The following MAPKAP1 variants were observed in gnomAD, a reference collection of about 807,000 sequenced individuals.
MAPKAP1 encodes MAPK associated protein 1, also known as target of rapamycin complex 2 subunit MAPKAP1.
In MAPKAP1, 20 loss-of-function variants were observed where a neutral mutation model predicts 65.7. The observed-to-expected ratio is 0.30, with a 90% CI of 0.21 to 0.44. The LOEUF (loss-of-function observed/expected upper bound fraction) is 0.44, where lower values mean the gene tolerates loss of function less well. MAPKAP1 is among the 20% of genes least tolerant of loss of function. The probability of loss-of-function intolerance (pLI) is 1.00; values close to 1 mark genes in which losing one functional copy is unlikely to be tolerated. For missense variants in MAPKAP1, 423 were observed against 648.0 expected, an observed-to-expected ratio of 0.65 and a Z score of 3.77; for synonymous variants, 222 against 244.3, an observed-to-expected ratio of 0.91 and a Z score of 0.85.
intron 9 of MAPKAP1, chr9:125,471,259 CCCAGAAT>C (rs1487498978): frequency 1.3e-5 from 2 of 152,302 alleles, no homozygotes; most frequent in Non-Finnish European, 2.9e-5. Context: ...AGAAAGGAGG[CCCAGAAT>C]CCAGCCTGGA....
intron 7 of MAPKAP1, among the ~76,000 whole-genome samples, chr9:125,509,845 G>A (rs1829249591): frequency 1.3e-5 from 2 of 152,126 alleles, no homozygotes; most frequent in African/African-American, 4.8e-5. Context: ...GAAAACAGGG[G>A]AGTCAGGGAG....
intron 4 of MAPKAP1, among the ~76,000 whole-genome samples, chr9:125,622,118 G>A (rs936724961): frequency 2.6e-5 from 4 of 152,156 alleles, no homozygotes; most frequent in Non-Finnish European, 5.9e-5. Flanking sequence ...AGAATTGTGG[G>A]TATTGGAGGC....
chr9:125,608,214 G>A (rs1832496149), intron 4 of MAPKAP1, among the ~76,000 whole-genome samples: 1 of 152,212 alleles, frequency 6.6e-6, no homozygotes, highest in South Asian at 2.1e-4. Context: ...TCAAATAGCT[G>A]CTGTGTTCCC....
intron 7 of MAPKAP1, chr9:125,521,796 G>A: frequency 1.2e-6 from 2 of 1,604,420 alleles, no homozygotes; most frequent in East Asian, 2.2e-5. Flanking sequence ...AAACAAAAAT[G>A]AGACTTCATT....
intron 6 of MAPKAP1, among the ~76,000 whole-genome samples, chr9:125,554,534 C>A (rs1174038392): frequency 1.3e-5 from 2 of 148,902 alleles, no homozygotes; most frequent in Non-Finnish European, 2.9e-5. Context: ...AGCGGTGGCT[C>A]ATGCCTGTAA....
chr9:125,462,583 A>G (rs564903958), intron 10 of MAPKAP1, among the ~76,000 whole-genome samples: 2 of 152,218 alleles, frequency 1.3e-5, no homozygotes, highest in Admixed American at 1.3e-4. Flanking sequence ...TTGTTTACAT[A>G]AACCCTGAAG....
At chr9:125,531,067 T>C (rs1407735523) in intron 7 of MAPKAP1, among the ~76,000 whole-genome samples, 1 of 152,188 alleles carries the variant, frequency 6.6e-6, no homozygotes, top group Admixed American at 6.5e-5. Flanking sequence ...AAGGGACAGG[T>C]GGCCTGGGGA....
intron 9 of MAPKAP1, among the ~76,000 whole-genome samples, chr9:125,473,303 G>A (rs1853993183): frequency 6.6e-6 from 1 of 152,080 alleles, no homozygotes; most frequent in Admixed American, 6.6e-5. Context: ...CCTTCTCTTG[G>A]AAACAAGGGA....
chr9:125,499,354 T>C (rs1258205001), intron 8 of MAPKAP1, among the ~76,000 whole-genome samples: 2 of 152,258 alleles, frequency 1.3e-5, no homozygotes, highest in African/African-American at 2.4e-5. Flanking sequence ...TAATTCTTAG[T>C]TGGAATTCCT....
intron 6 of MAPKAP1, among the ~76,000 whole-genome samples, 155 bp from the exon 7 acceptor site, chr9:125,543,323 G>A (rs1312234880): frequency 1.3e-5 from 2 of 152,152 alleles, no homozygotes; most frequent in African/African-American, 4.8e-5. Context: ...CTGGAGTGCA[G>A]TGGTGCAATC....
intron 5 of MAPKAP1, among the ~76,000 whole-genome samples, chr9:125,578,293 C>A (rs1026828839): frequency 7.9e-5 from 12 of 151,874 alleles, no homozygotes; most frequent in African/African-American, 2.2e-4. Context: ...ACAAACACTG[C>A]GGAAGGCCGC....
intron 7 of MAPKAP1, among the ~76,000 whole-genome samples, chr9:125,514,938 G>A (rs1356861521): frequency 6.6e-6 from 1 of 152,110 alleles, no homozygotes; most frequent in African/African-American, 2.4e-5. Context: ...TAAAATGTCT[G>A]CATTTAGTGT....
chr9:125,456,990 ATTT>A (rs36063329), intron 10 of MAPKAP1, among the ~76,000 whole-genome samples: 1 of 143,606 alleles, frequency 7.0e-6, no homozygotes, highest in Non-Finnish European at 1.5e-5. Flanking sequence ...CATTTAGTGA[ATTT>A]TTTTTTTTTT....
At chr9:125,501,304 T>C (rs1348690047) in intron 8 of MAPKAP1, among the ~76,000 whole-genome samples, 2 of 152,236 alleles carry the variant, frequency 1.3e-5, no homozygotes, top group Non-Finnish European at 2.9e-5. Flanking sequence ...CTATTTGTCT[T>C]GACATTTTTT....
At chr9:125,607,796 C>T (rs1349775344) in intron 4 of MAPKAP1, among the ~76,000 whole-genome samples, 3 of 152,220 alleles carry the variant, frequency 2.0e-5, no homozygotes, top group Admixed American at 2.0e-4. Context: ...GCTGGGACTA[C>T]AGGCATGTGC....
chr9:125,662,478 T>C (rs978585936), intron 3 of MAPKAP1, among the ~76,000 whole-genome samples: 1 of 152,132 alleles, frequency 6.6e-6, no homozygotes, highest in South Asian at 2.1e-4. Context: ...GGTCAGAAAA[T>C]CGAGACCATC....
intron 9 of MAPKAP1, 150 bp downstream of exon 9, chr9:125,484,293 T>C (rs2133037061): frequency 2.7e-6 from 2 of 745,610 alleles, no homozygotes; most frequent in East Asian, 3.1e-5. Flanking sequence ...AAAAAGGATG[T>C]ACTTCAAATT....
intron 3 of MAPKAP1, among the ~76,000 whole-genome samples, chr9:125,661,266 G>C (rs930447244): frequency 6.6e-6 from 1 of 152,118 alleles, no homozygotes; most frequent in Non-Finnish European, 1.5e-5. Flanking sequence ...CTATGAAACG[G>C]AATTCGGAAG....
At chr9:125,481,559 A>G (rs1854318446) in intron 9 of MAPKAP1, among the ~76,000 whole-genome samples, 1 of 151,836 alleles carries the variant, frequency 6.6e-6, no homozygotes, top group Admixed American at 6.6e-5. Flanking sequence ...AGTAGCTGGG[A>G]CTACAGGCAG....
Sources: gnomAD v4.1 joint callset for allele counts (sites outside exome capture counted in the v4.1 genomes callset) on GRCh38, gnomAD v4.1.1 for gene constraint, MANE v1.5 for transcripts, NCBI Gene and HGNC (gene_info 2026-07-23, HGNC 2026-07-21) for gene names.